SLC28A2: variants seen among roughly 807,000 people sequenced by gnomAD.
SLC28A2 encodes the protein solute carrier family 28 member 2, also known as sodium/nucleoside cotransporter 2.
In SLC28A2, 69 loss-of-function variants were observed where a neutral mutation model predicts 72.9. That is an observed-to-expected ratio of 0.95 (90% confidence interval 0.78 to 1.16). The LOEUF (loss-of-function observed/expected upper bound fraction) is 1.16. SLC28A2 is among the 50% of genes most tolerant of loss of function. The pLI is 0.00. For synonymous variants in SLC28A2, 296 were observed against 294.1 expected (o/e 1.01, Z -0.07); for missense variants, 745 against 791.1 (o/e 0.94, Z 0.70).
At chr15:45,253,636 T>C (rs1899881095) in intron 3 of SLC28A2, 116 bp downstream of exon 3, 3 of 613,716 alleles carry the variant, frequency 4.9e-6, no homozygotes, top group Non-Finnish European at 8.9e-6. Context: ...CATATATATA[T>C]GTATCTTACA....
rs763173754 is a variant in SLC28A2 at position 45,272,293 on chromosome 15, A to G, written c.1649-2A>G. 3 of 1,612,908 alleles carry G rather than the reference A, an allele frequency of 1.9e-6. No homozygotes were observed. Among genetic ancestry groups the G allele is most frequent in the South Asian group, 2.2e-5 (2 of 91,072 alleles). Reference sequence around the variant, plus strand: ...GAAGTTATTTTATTTTATTGTCTGCAGCATCAATAGTACCTCACCGGAAGA... The same window carrying G: ...GAAGTTATTTTATTTTATTGTCTGCGGCATCAATAGTACCTCACCGGAAGA... On this transcript the variant is annotated splice_acceptor_variant, in intron 15 of 17. Transcript: ENST00000347644. LOFTEE classifies it high-confidence loss of function.
intron 6 of SLC28A2, 33 bp from the exon 7 acceptor site, chr15:45,264,622 C>G (rs755827392): frequency 7.8e-6 from 11 of 1,406,314 alleles, no homozygotes; most frequent in Non-Finnish European, 1.1e-5. Context: ...ACTAGCAGAA[C>G]TCACATTGAA....
At chr15:45,252,515 G>A (rs1341297626) in intron 1 of SLC28A2, among the ~76,000 whole-genome samples, 3 of 152,172 alleles carry the variant, frequency 2.0e-5, no homozygotes, top group Non-Finnish European at 4.4e-5. Context: ...ATCTCAGAAT[G>A]AACTTATATT....
intron 17 of SLC28A2, among the ~76,000 whole-genome samples, chr15:45,274,761 T>C (rs1900697825): frequency 6.6e-6 from 1 of 151,926 alleles, no homozygotes; most frequent in South Asian, 2.1e-4. Flanking sequence ...TTTTTTTTTT[T>C]TGAGACACAG....
chr15:45,266,865 T>A (rs778847932), intron 10 of SLC28A2, among the ~76,000 whole-genome samples: 4 of 152,204 alleles, frequency 2.6e-5, no homozygotes, highest in Admixed American at 2.6e-4. Context: ...CTTACCTATA[T>A]CAATGTCCTT....
At chr15:45,259,215 TA>T (rs146866148) in intron 3 of SLC28A2, among the ~76,000 whole-genome samples, 26 of 152,306 alleles carry the variant, frequency 1.7e-4, no homozygotes, top group African/African-American at 6.0e-4. Flanking sequence ...CACTTGCCAT[TA>T]AAAAAACTAG....
intron 10 of SLC28A2, among the ~76,000 whole-genome samples, chr15:45,266,672 C>T (rs1337776179): frequency 1.3e-5 from 2 of 152,214 alleles, no homozygotes; most frequent in Non-Finnish European, 2.9e-5. Flanking sequence ...GGGACAATGA[C>T]TTGTCACATT....
At position 45,253,253 on chromosome 15, in the gene SLC28A2, C is replaced by G. The variant is rs765575288; in HGVS notation, c.38C>G (p.Ser13Cys). The part of the protein sequence containing the change: ...KASGRQSIAL[S>C]TVETGTVNPG... ...AGTGGAAGACAGTCCATTGCTCTGTCCACAGTGGAGACTGGCACAGTGAAC... is the reference window on the plus strand; with the variant it reads ...AGTGGAAGACAGTCCATTGCTCTGTGCACAGTGGAGACTGGCACAGTGAAC... Residue 13 changes from serine to cysteine, a missense_variant, in exon 2 of 18, where the codon TCC becomes TGC. Physicochemically the swap from Ser to Cys is moderately radical, Grantham distance 112 (BLOSUM62 -1). Coordinates refer to ENST00000347644, the MANE Select transcript of SLC28A2 (RefSeq NM_004212.4). 6 of 1,613,678 alleles carry G rather than the reference C, an allele frequency of 3.7e-6. No individual in the cohort carries two copies. In the Admixed American group the frequency reaches 1.0e-4, roughly 27 times the overall value.
chr15:45,270,801 A>AT (rs200801654), intron 15 of SLC28A2, among the ~76,000 whole-genome samples: 3,604 of 150,894 alleles, frequency 0.024, 72 homozygotes, highest in South Asian at 0.058. Flanking sequence ...TATTATTATT[A>AT]TTTTTTTTGT....
intron 3 of SLC28A2, 97 bp downstream of exon 3, chr15:45,253,617 C>T (rs1899880209): frequency 1.5e-6 from 1 of 680,570 alleles, no homozygotes; most frequent in African/African-American, 1.8e-5. Context: ...CTCCACCTTA[C>T]CATGTGTACA....
At chr15:45,273,809 G>A (rs1450455525) in intron 17 of SLC28A2, among the ~76,000 whole-genome samples, 1 of 152,208 alleles carries the variant, frequency 6.6e-6, no homozygotes, top group East Asian at 1.9e-4. Flanking sequence ...GGGTGAAGAA[G>A]AGGAAGGAGT....
chr15:45,254,439 A>C (rs1899910063), intron 3 of SLC28A2, among the ~76,000 whole-genome samples: 1 of 152,232 alleles, frequency 6.6e-6, no homozygotes, highest in Non-Finnish European at 1.5e-5. Context: ...AGATACACAA[A>C]TACTTACCAT....
chr15:45,268,925 C>A (rs1028225995), intron 13 of SLC28A2, among the ~76,000 whole-genome samples: 2 of 148,790 alleles, frequency 1.3e-5, no homozygotes, highest in Non-Finnish European at 3.0e-5. Context: ...GGACAAAAAA[C>A]CAAACACCAC....
At chr15:45,254,405 C>G (rs1376404022) in intron 3 of SLC28A2, among the ~76,000 whole-genome samples, 3 of 152,202 alleles carry the variant, frequency 2.0e-5, no homozygotes, top group Non-Finnish European at 4.4e-5. Flanking sequence ...TTTTACTGTG[C>G]CTTTTCTATG....
At chr15:45,271,855 A>G (rs1900582548) in intron 15 of SLC28A2, 1 of 156,162 alleles carries the variant, frequency 6.4e-6, no homozygotes, top group Admixed American at 6.4e-5. Context: ...GTAGTGGGAT[A>G]TGCATTGTGT....
chr15:45,262,325 C>T (rs1900187303), intron 4 of SLC28A2, among the ~76,000 whole-genome samples: 2 of 152,086 alleles, frequency 1.3e-5, no homozygotes, highest in South Asian at 4.2e-4. Flanking sequence ...CAAAAGTGTA[C>T]TATTTGATGG....
At chr15:45,275,267 G>A in intron 17 of SLC28A2, 129 bp from the exon 18 acceptor site, 1 of 648,168 alleles carries the variant, frequency 1.5e-6, no homozygotes, top group Non-Finnish European at 2.8e-6. Flanking sequence ...GGTTCTATTT[G>A]GTCATGGCTG....
At position 45,263,260 on chromosome 15, in the gene SLC28A2, C is replaced by T; in HGVS notation, c.446+16C>T. On this transcript the variant is annotated intron_variant, in intron 5 of 17. Coordinates refer to ENST00000347644, the MANE Select transcript of SLC28A2 (RefSeq NM_004212.4). Reference sequence around the variant, plus strand: ...GGACGAAATGGTAAGATAAGAATCTCAATACCTGGCCTCACAGCTTATCCC... The same window carrying T: ...GGACGAAATGGTAAGATAAGAATCTTAATACCTGGCCTCACAGCTTATCCC... 1 of 1,610,590 alleles carries T rather than the reference C, an allele frequency of 6.2e-7. No homozygotes were observed. Among genetic ancestry groups the T allele is most frequent in the South Asian group, 1.1e-5 (1 of 90,492 alleles).
In SLC28A2 at chr15:45,269,512, G is replaced by C. The variant is rs116547844; in HGVS notation, c.1543G>C (p.Glu515Gln). ...TCTCTCTGGAATGGAGGAGTGGATT[G>C]AGGGAGAGAAACAGTGGATTTCTGT... is the stretch of plus-strand genomic sequence containing the variant. ...KRLSGMEEWI[E>Q]GEKQWISVRA... The change falls in exon 14 of 18, where the codon GAG (glutamate) becomes CAG (glutamine). Residue 515 changes from glutamate (E) to glutamine (Q), a missense_variant. Physicochemically the swap from Glu to Gln is conservative, Grantham distance 29 (BLOSUM62 2). Transcript: ENST00000347644. 5.2e-3 allele frequency: 8,434 copies of C among 1,614,060 alleles called. 22 individuals carry two copies. The highest frequency in any genetic ancestry group is 6.5e-3 in the Non-Finnish European group (7,677 of 1,179,896).
Sources: allele counts gnomAD v4.1 joint callset (sites outside exome capture counted in the v4.1 genomes callset), GRCh38; gene constraint gnomAD v4.1.1; transcripts MANE v1.5; gene names NCBI Gene and HGNC (gene_info 2026-07-23, HGNC 2026-07-21).